TBL1XR1: variants seen among roughly 807,000 people sequenced by gnomAD.
TBL1XR1 encodes TBL1X/Y related 1.
Under a neutral mutation model 66.9 loss-of-function variants are expected in TBL1XR1, and 5 were observed. That is an observed-to-expected ratio of 0.07 (90% CI 0.04 to 0.16). The LOEUF (loss-of-function observed/expected upper bound fraction) is 0.16, where lower values mean the gene tolerates loss of function less well. TBL1XR1 is among the 10% of genes least tolerant of loss of function. The pLI is 1.00. For missense variants in TBL1XR1, 238 were observed against 623.2 expected, an observed-to-expected ratio of 0.38 and a Z score of 6.58; for synonymous variants, 210 against 206.0, an observed-to-expected ratio of 1.02 and a Z score of -0.17.
chr3:177,158,085 A>C (rs1731725006), intron 1 of TBL1XR1, among the ~76,000 whole-genome samples: 1 of 152,082 alleles, frequency 6.6e-6, no homozygotes. Context: ...AGGTCCCACC[A>C]CGGTAGTTTT....
chr3:177,180,740 ATTT>A (rs201395892), intron 1 of TBL1XR1, among the ~76,000 whole-genome samples: 1 of 145,704 alleles, frequency 6.9e-6, no homozygotes, highest in Non-Finnish European at 1.5e-5. Flanking sequence ...TTACCCTGGA[ATTT>A]TTTTTTTTTT....
upstream of TBL1XR1, among the ~76,000 whole-genome samples, chr3:177,198,576 A>G (rs548078668): frequency 2.0e-5 from 3 of 152,242 alleles, no homozygotes; most frequent in East Asian, 5.8e-4. Flanking sequence ...TTTAAAGCAA[A>G]TGGGGTGGTA....
chr3:177,093,529 A>T (rs1035792487), intron 2 of TBL1XR1, among the ~76,000 whole-genome samples: 6 of 152,206 alleles, frequency 3.9e-5, no homozygotes, highest in Non-Finnish European at 8.8e-5. Flanking sequence ...AGACTAAGCC[A>T]AAAGAACCAA....
intron 1 of TBL1XR1, among the ~76,000 whole-genome samples, chr3:177,148,531 T>C (rs986270516): frequency 6.6e-6 from 1 of 151,586 alleles, no homozygotes; most frequent in African/African-American, 2.4e-5. Flanking sequence ...CTGACCAATA[T>C]GGTGAAACCC....
chr3:177,087,315 TA>T (rs1722266562), intron 2 of TBL1XR1, among the ~76,000 whole-genome samples: 1 of 152,088 alleles, frequency 6.6e-6, no homozygotes, highest in African/African-American at 2.4e-5. Context: ...TCTATAATCA[TA>T]AGCCCTTAGG....
At chr3:177,153,193 A>C (rs577021987) in intron 1 of TBL1XR1, among the ~76,000 whole-genome samples, 1 of 152,184 alleles carries the variant, frequency 6.6e-6, no homozygotes, top group Non-Finnish European at 1.5e-5. Flanking sequence ...ATAATTCTAT[A>C]CTCAGTGAAT....
chr3:177,031,389 C>T (rs60952818), intron 14 of TBL1XR1, among the ~76,000 whole-genome samples: 150,754 of 150,764 alleles, frequency 1, 75,372 homozygotes, highest in Non-Finnish European at 1. Flanking sequence ...GGCTGGAGTG[C>T]CGTGGTGTGA....
At chr3:177,181,569 T>TA (rs1170129067) in intron 1 of TBL1XR1, among the ~76,000 whole-genome samples, 1 of 151,142 alleles carries the variant, frequency 6.6e-6, no homozygotes, top group Non-Finnish European at 1.5e-5. Context: ...TAGATTGTGA[T>TA]AGATTCCATG....
chr3:177,118,837 C>CTTAT lies in TBL1XR1; in HGVS notation c.-121-20297_-121-20296insATAA, dbSNP rs35329014. The stretch of plus-strand genomic sequence containing the variant: ...TGAACTTTTATAAAATCAAGAGATA[C>CTTAT]GATTTAGCATTGTAACCATTCAGGC... On this transcript the variant is annotated intron_variant, in intron 1 of 15. Transcript: ENST00000457928. Among the ~76,000 whole-genome samples the CTTAT allele has an allele frequency of 1.3e-5, 2 of 151,840 alleles. 1 individual carries two copies.
chr3:177,061,687 G>A (rs952422817), intron 3 of TBL1XR1, among the ~76,000 whole-genome samples: 8 of 152,018 alleles, frequency 5.3e-5, no homozygotes, highest in African/African-American at 7.2e-5. Flanking sequence ...CAGTTTCTTC[G>A]GTATTACTTT....
chr3:177,178,530 TTTAATA>T (rs1361350741), intron 1 of TBL1XR1, among the ~76,000 whole-genome samples: 1 of 152,050 alleles, frequency 6.6e-6, no homozygotes, highest in East Asian at 1.9e-4. Flanking sequence ...AATAAAAATG[TTTAATA>T]TTAAGTTCCT....
At chr3:177,124,373 T>C (rs1727352752) in intron 1 of TBL1XR1, among the ~76,000 whole-genome samples, 2 of 152,146 alleles carry the variant, frequency 1.3e-5, no homozygotes, top group African/African-American at 2.4e-5. Context: ...ATCATTTCTG[T>C]ACTTTTAATG....
chr3:177,165,382 A>T (rs1469429294), intron 1 of TBL1XR1, among the ~76,000 whole-genome samples: 2 of 152,212 alleles, frequency 1.3e-5, no homozygotes, highest in African/African-American at 4.8e-5. Flanking sequence ...ATTTCCTTGG[A>T]TAGAAGACTC....
rs1577121183 is a variant in TBL1XR1 at position 177,086,660 on chromosome 3, ATT to A, written c.-46+11804_-46+11805del. Among the ~76,000 whole-genome samples the A allele has an allele frequency of 3.3e-5, 5 of 152,242 alleles. No homozygotes were observed. In the East Asian group the frequency reaches 9.7e-4, roughly 29 times the overall value. On this transcript the variant is annotated intron_variant, in intron 2 of 15. Transcript: ENST00000457928. ...TGGTTTTCTCACCAATGAAACAGAT[ATT>A]AACAACTTTACATGGTTATAACAAT...
chr3:177,106,010 T>C (rs1560181335), intron 1 of TBL1XR1, among the ~76,000 whole-genome samples: 1 of 152,184 alleles, frequency 6.6e-6, no homozygotes, highest in Non-Finnish European at 1.5e-5. Context: ...AAGTGGTTTA[T>C]TAATCTAATT....
intron 4 of TBL1XR1, among the ~76,000 whole-genome samples, chr3:177,052,560 C>T (rs558423821): frequency 3.9e-4 from 59 of 152,228 alleles, no homozygotes; most frequent in African/African-American, 1.1e-3. Flanking sequence ...AACACAGATA[C>T]ACTGTGGAAT....
intron 1 of TBL1XR1, among the ~76,000 whole-genome samples, 170 bp from the exon 2 acceptor site, chr3:177,098,711 C>T (rs1237441720): frequency 6.6e-6 from 1 of 152,136 alleles, no homozygotes; most frequent in Non-Finnish European, 1.5e-5. Flanking sequence ...CTTTTGAGTG[C>T]TTAATACTTG....
intron 10 of TBL1XR1, among the ~76,000 whole-genome samples, chr3:177,038,869 T>A (rs1018445840): frequency 2.0e-5 from 3 of 152,140 alleles, no homozygotes; most frequent in South Asian, 4.1e-4. Context: ...CTATGATATA[T>A]CCTCTTTAGA....
chr3:177,198,542 A>C (rs958476953), upstream of TBL1XR1, among the ~76,000 whole-genome samples: 2 of 152,150 alleles, frequency 1.3e-5, no homozygotes, highest in Admixed American at 1.3e-4. Flanking sequence ...GGTTGTTTTT[A>C]AAGAAGGGAG....
Sources: allele counts gnomAD v4.1 joint callset (sites outside exome capture counted in the v4.1 genomes callset), GRCh38; gene constraint gnomAD v4.1.1; transcripts MANE v1.5; gene names NCBI Gene and HGNC (gene_info 2026-07-23, HGNC 2026-07-21).